The following SNX18 variants were observed in gnomAD, a reference collection of about 807,000 sequenced individuals.
SNX18 encodes sorting nexin 18, also known as sorting nexin-18.
SNX18 carries 35 observed loss-of-function variants against 48.7 expected under a neutral mutation model. The ratio of observed to expected loss-of-function variants is 0.72; its 90% CI spans 0.55 to 0.95. SNX18 has a LOEUF of 0.95. Ranked by LOEUF, SNX18 falls within the 40% of genes least tolerant of loss-of-function variation. The pLI is 0.00. For missense variants in SNX18, 824 were observed against 871.0 expected, an observed-to-expected ratio of 0.95 and a Z score of 0.68; for synonymous variants, 492 against 384.7, an observed-to-expected ratio of 1.28 and a Z score of -3.26.
the SNX18 span, among the ~76,000 whole-genome samples, chr5:54,571,576 A>G: frequency 1.3e-5 from 2 of 152,038 alleles, no homozygotes; most frequent in Non-Finnish European, 2.9e-5. Flanking sequence ...GGACTGACGG[A>G]TTGGAATGAC....
chr5:54,645,772 G>A, the SNX18 span: 1 of 152,216 alleles, frequency 6.6e-6, no homozygotes, highest in Non-Finnish European at 1.5e-5. Context: ...ACCCATATGA[G>A]TGTTTAGAGT....
At chr5:54,645,437 C>T in the SNX18 span, 1 of 152,244 alleles carries the variant, frequency 6.6e-6, no homozygotes, top group Non-Finnish European at 1.5e-5. Flanking sequence ...GGGTCTAAGC[C>T]TTCCCTCCTG....
intron 1 of SNX18, among the ~76,000 whole-genome samples, chr5:54,524,253 TTGGGCACGAAACTGGGTG>T (rs908912223): frequency 8.5e-5 from 13 of 152,182 alleles, no homozygotes; most frequent in Non-Finnish European, 7.3e-5. Flanking sequence ...AAGGACAGTC[TTGGGCACGAAACTGGGTG>T]TGGGCACCGC....
chr5:54,538,955 C>G (rs920430969), intron 1 of SNX18, among the ~76,000 whole-genome samples: 2 of 152,216 alleles, frequency 1.3e-5, no homozygotes, highest in Admixed American at 1.3e-4. Flanking sequence ...TCCTTGATTA[C>G]ACGTAGCTCT....
the SNX18 span, among the ~76,000 whole-genome samples, chr5:54,636,039 C>T: frequency 6.6e-6 from 1 of 152,112 alleles, no homozygotes; most frequent in African/African-American, 2.4e-5. Context: ...TAAATGCTTC[C>T]CATCACTGGC....
chr5:54,593,686 G>A, the SNX18 span, among the ~76,000 whole-genome samples: 3 of 152,182 alleles, frequency 2.0e-5, no homozygotes, highest in Non-Finnish European at 1.5e-5. Context: ...GTTGGTGAAA[G>A]GATAGACATA....
chr5:54,568,659 G>T, the SNX18 span, among the ~76,000 whole-genome samples: 3 of 152,126 alleles, frequency 2.0e-5, no homozygotes, highest in Admixed American at 2.0e-4. Context: ...ACTCTAAAGA[G>T]ACTAGACTCA....
chr5:54,644,437 G>C, the SNX18 span: 1 of 152,188 alleles, frequency 6.6e-6, no homozygotes, highest in Non-Finnish European at 1.5e-5. Flanking sequence ...TGAGTAACAG[G>C]TGATCCACAA....
chr5:54,566,242 C>G, the SNX18 span, among the ~76,000 whole-genome samples: 1 of 152,290 alleles, frequency 6.6e-6, no homozygotes, highest in African/African-American at 2.4e-5. Context: ...CCAATATAAA[C>G]AGCCTGAGTT....
At chr5:54,540,478 A>C (rs1360737361) in intron 1 of SNX18, among the ~76,000 whole-genome samples, 2 of 152,108 alleles carry the variant, frequency 1.3e-5, no homozygotes, top group African/African-American at 4.8e-5. Context: ...CAGCCTCCCA[A>C]ATTGCCGGGA....
chr5:54,582,451 T>C, the SNX18 span, among the ~76,000 whole-genome samples: 1 of 152,184 alleles, frequency 6.6e-6, no homozygotes, highest in African/African-American at 2.4e-5. Flanking sequence ...TATATCTTTT[T>C]CTTTCCTAAA....
intron 1 of SNX18, among the ~76,000 whole-genome samples, chr5:54,539,824 T>TTTTG (rs1554020425): frequency 2.0e-5 from 3 of 152,046 alleles, no homozygotes; most frequent in Admixed American, 2.0e-4. Flanking sequence ...TCTTTGGGTT[T>TTTTG]TTTTGTTTTG....
chr5:54,602,262 A>G, the SNX18 span, among the ~76,000 whole-genome samples: 3 of 152,194 alleles, frequency 2.0e-5, no homozygotes, highest in African/African-American at 7.2e-5. Context: ...CACAGGCCGC[A>G]TAATATGGAG....
the SNX18 span, among the ~76,000 whole-genome samples, chr5:54,588,320 T>A: frequency 8.5e-5 from 1 of 11,766 alleles, no homozygotes; most frequent in African/African-American, 3.8e-4. Context: ...TTTTTTTTTT[T>A]TTTTTTTTTT....
the SNX18 span, among the ~76,000 whole-genome samples, chr5:54,583,965 G>A: frequency 1.1e-4 from 17 of 152,152 alleles, no homozygotes; most frequent in Admixed American, 6.5e-4. Flanking sequence ...GCGAGCCACA[G>A]CAGAGCCCTT....
At chr5:54,535,480 C>T (rs1359506400) in intron 1 of SNX18, among the ~76,000 whole-genome samples, 1 of 152,172 alleles carries the variant, frequency 6.6e-6, no homozygotes, top group Non-Finnish European at 1.5e-5. Flanking sequence ...GTTTAATTTT[C>T]CTTTTAACTC....
chr5:54,612,710 A>G, the SNX18 span, among the ~76,000 whole-genome samples: 8 of 152,202 alleles, frequency 5.3e-5, no homozygotes, highest in Admixed American at 4.6e-4. Context: ...AGCTGCAGCC[A>G]TAGGTCCCTT....
chr5:54,585,515 C>A, the SNX18 span, among the ~76,000 whole-genome samples: 1 of 152,010 alleles, frequency 6.6e-6, no homozygotes, highest in South Asian at 2.1e-4. Context: ...CTGACTTCTG[C>A]GATCTTGAAT....
At position 54,518,322 on chromosome 5, in the gene SNX18, G is replaced by C; in HGVS notation, c.370G>C (p.Ala124Pro). 1.3e-6 allele frequency: 2 copies of C among 1,541,560 alleles called. No individual in the cohort carries two copies. The highest frequency in any genetic ancestry group is 1.7e-6 in the Non-Finnish European group (2 of 1,147,114). The part of the protein sequence containing the change: ...PPPSTFQPPG[A>P]GFPYGGGALQ... Reference sequence around the variant, plus strand: ...TCCGAGCACCTTCCAGCCGCCCGGCGCGGGCTTCCCGTACGGCGGGGGCGC... The same window carrying C: ...TCCGAGCACCTTCCAGCCGCCCGGCCCGGGCTTCCCGTACGGCGGGGGCGC... The change falls in exon 1 of 2, where the codon GCG becomes CCG. Residue 124 changes from alanine to proline, a missense_variant. Ala to Pro is a conservative substitution (Grantham distance 27). Transcript: ENST00000381410.
Sources: allele counts gnomAD v4.1 joint callset (sites outside exome capture counted in the v4.1 genomes callset), GRCh38; gene constraint gnomAD v4.1.1; transcripts MANE v1.5; gene names NCBI Gene and HGNC (gene_info 2026-07-23, HGNC 2026-07-21).